FOXD3: variants seen among roughly 807,000 people sequenced by gnomAD.
The protein encoded by FOXD3 is forkhead box protein D3.
Under a neutral mutation model 3.6 loss-of-function variants are expected in FOXD3, and 3 were observed. The observed-to-expected ratio is 0.84, with a 90% CI of 0.38 to 2.18. The LOEUF (loss-of-function observed/expected upper bound fraction) is 2.18. FOXD3 is among the 30% of genes most tolerant of loss of function. The pLI, the probability that FOXD3 is intolerant of heterozygous loss-of-function variation, is 0.06. For missense variants in FOXD3, 686 were observed against 731.6 expected (o/e 0.94, Z 0.72); for synonymous variants, 391 against 360.9 (o/e 1.08, Z -0.94).
rs749252292 is a variant in FOXD3 at position 63,324,538 on chromosome 1, G to T, written c.*43G>T. ...GGACCCAGGGTCCGGCGGCGGCCTCGAGCAACAAATGCACCTCCAGGCTGC... is the reference window on the plus strand; with the variant it reads ...GGACCCAGGGTCCGGCGGCGGCCTCTAGCAACAAATGCACCTCCAGGCTGC... On this transcript the variant is annotated 3_prime_UTR_variant, in exon 1 of 1. Transcript: ENST00000371116. The surrounding 1 kb of genome is among the most constrained non-coding windows in gnomAD (Gnocchi z 4.1). 1 of 1,461,074 alleles carries T rather than the reference G, an allele frequency of 6.8e-7. No homozygotes were observed. Among genetic ancestry groups the T allele is most frequent in the African/African-American group, 1.4e-5 (1 of 70,202 alleles). The allele number at this position is 1,461,074 out of a possible 1,614,324, so 90.5% of individuals were successfully genotyped here.
Position 63,323,486 on chromosome 1 carries a change from C to G in FOXD3, c.428C>G (p.Pro143Arg). The G allele has an allele frequency of 6.2e-7, 1 of 1,613,888 alleles. No individual in the cohort carries two copies. The highest frequency in any genetic ancestry group is 1.1e-5 in the South Asian group (1 of 91,078). The change falls in exon 1 of 1, where the codon CCT becomes CGT. Residue 143 changes from proline to arginine, a missense_variant. This residue lies in a region of FOXD3 where 84 missense variants were observed against 145.2 expected (regional missense o/e 0.58). Transcript: ENST00000371116. The surrounding 1 kb of genome is among the most constrained non-coding windows in gnomAD (Gnocchi z 6.8). ...CCCAAGAACAGCCTAGTGAAGCCGCCTTACTCGTACATCGCGCTCATCACC... is the reference window on the plus strand; with the variant it reads ...CCCAAGAACAGCCTAGTGAAGCCGCGTTACTCGTACATCGCGCTCATCACC... ...SKPKNSLVKP[P>R]YSYIALITMA...
rs543752606 is a variant in FOXD3, at chr1:63,322,944, GC to G, written c.-109del. 6.6e-5 allele frequency: 92 copies of G among 1,400,824 alleles called. No homozygotes were observed. The highest frequency in any genetic ancestry group is 6.3e-4 in the Admixed American group (21 of 33,276). The allele number at this position is 1,400,824 out of a possible 1,614,324, so 86.8% of individuals were successfully genotyped here. Reference sequence around the variant, plus strand: ...ACCTGCGGCCCCCTCCCCTCTCCCTGCCCCCCATCTTTCGGGGGCACTCAAA... The same window carrying G: ...ACCTGCGGCCCCCTCCCCTCTCCCTGCCCCCATCTTTCGGGGGCACTCAAA... On this transcript the variant is annotated 5_prime_UTR_variant, in exon 1 of 1. Coordinates refer to ENST00000371116, the MANE Select transcript of FOXD3 (RefSeq NM_012183.3).
Position 63,324,059 on chromosome 1 carries a change from G to A in FOXD3, c.1001G>A (p.Gly334Asp), listed in dbSNP as rs553162085. 109 of 1,400,652 alleles carry A rather than the reference G, an allele frequency of 7.8e-5. No individual in the cohort carries two copies. In the African/African-American group the frequency reaches 1.5e-3, roughly 19 times the overall value. 86.8% of individuals were successfully genotyped at this position (1,400,652 alleles called of 1,614,324 possible). A position where few individuals can be genotyped will look rare whatever the true frequency, so the allele number is the denominator to read the frequency against. The change falls in exon 1 of 1, where the codon GGC becomes GAC. Residue 334 changes from glycine (G) to aspartate (D), a missense_variant. By Grantham distance (94) the Gly-to-Asp change is moderately conservative. Around this residue, in one of 3 missense-constraint regions of FOXD3, gnomAD observed 370 missense variants for 372.3 expected, o/e 0.99. Coordinates refer to ENST00000371116, the MANE Select transcript of FOXD3 (RefSeq NM_012183.3). This position sits in a 1 kb window ranked among gnomAD's most constrained non-coding sequence, Gnocchi z 4.1. ...CTGGGCCGCAAAGCGGCCGCCTTCG[G>A]CTCACAGCTCGGCCCGGGCCTGCAG... ...GELGRKAAAF[G>D]SQLGPGLQLQ...
At position 63,323,790 on chromosome 1, in the gene FOXD3, C is replaced by T; in HGVS notation, c.732C>T (p.His244=). 1.2e-6 allele frequency: 2 copies of T among 1,612,800 alleles called. No individual in the cohort carries two copies. Among genetic ancestry groups the T allele is most frequent in the Non-Finnish European group, 1.7e-6 (2 of 1,179,780 alleles). ...RKRFKRHQQE[H]LREQTALMMQ... ...GCTTCAAGCGCCACCAGCAGGAGCA[C>T]CTGCGCGAGCAGACGGCGCTCATGA... The change falls in exon 1 of 1, where the codon CAC becomes CAT. Residue 244 remains histidine, a synonymous_variant. Transcript: ENST00000371116. The surrounding 1 kb of genome is among the most constrained non-coding windows in gnomAD (Gnocchi z 6.8).
In FOXD3 at chr1:63,324,207, C is replaced by T. The variant is rs1180291097; in HGVS notation, c.1149C>T (p.Ile383=). The T allele has an allele frequency of 5.5e-6, 8 of 1,445,958 alleles. No individual in the cohort carries two copies. In the African/African-American group the frequency reaches 1.1e-4, roughly 19 times the overall value. 89.6% of individuals were successfully genotyped at this position (1,445,958 alleles called of 1,614,324 possible). Residue 383 remains isoleucine, a synonymous_variant, in exon 1 of 1, where the codon ATC becomes ATT. Coordinates refer to ENST00000371116, the MANE Select transcript of FOXD3 (RefSeq NM_012183.3). The surrounding 1 kb of genome is among the most constrained non-coding windows in gnomAD (Gnocchi z 4.1). ...SARPSFSIEN[I]IGGGPAAPGG... ...GGCCGTCGTTCAGCATCGAGAACAT[C>T]ATAGGTGGGGGCCCCGCGGCTCCTG...
In FOXD3 at chr1:63,322,817, G is replaced by A. The variant is rs961786604; in HGVS notation, c.-242G>A. On this transcript the variant is annotated 5_prime_UTR_variant, in exon 1 of 1. Transcript: ENST00000371116. Reference sequence around the variant, plus strand: ...GCGCCTAGTACCGAGCGCCAGGGACGGCAGGAGTTCGCGGAGCGCGGCCGC... The same window carrying A: ...GCGCCTAGTACCGAGCGCCAGGGACAGCAGGAGTTCGCGGAGCGCGGCCGC... 1.0e-6 allele frequency: 1 copy of A among 985,368 alleles called. No individual in the cohort carries two copies. The highest frequency in any genetic ancestry group is 1.2e-6 in the Non-Finnish European group (1 of 829,898). 61.0% of individuals were successfully genotyped at this position (985,368 alleles called of 1,614,324 possible).
Position 63,324,013 on chromosome 1 carries a change from C to A in FOXD3, c.955C>A (p.Pro319Thr). 2 of 1,353,740 alleles carry A rather than the reference C, an allele frequency of 1.5e-6. No individual in the cohort carries two copies. The highest frequency in any genetic ancestry group is 1.9e-6 in the Non-Finnish European group (2 of 1,057,120). The allele number at this position is 1,353,740 out of a possible 1,614,324, so 83.9% of individuals were successfully genotyped here. Reference protein sequence around the residue: ...PVAPVLPPAVPLLPSGELGRK... With the variant: ...PVAPVLPPAVTLLPSGELGRK... ...GGCACCGGTGCTGCCTCCCGCTGTG[C>A]CGCTGCTGCCCTCGGGCGAGCTGGG... Residue 319 changes from proline to threonine, a missense_variant, in exon 1 of 1, where the codon CCG (proline) becomes ACG (threonine). Transcript: ENST00000371116. The surrounding 1 kb of genome is among the most constrained non-coding windows in gnomAD (Gnocchi z 4.1).
rs1647036641 is a variant in FOXD3 at position 63,322,956 on chromosome 1, T to C, written c.-103T>C. On this transcript the variant is annotated 5_prime_UTR_variant, in exon 1 of 1. Coordinates refer to ENST00000371116, the MANE Select transcript of FOXD3 (RefSeq NM_012183.3). ...CTCCCCTCTCCCTGCCCCCCATCTT[T>C]CGGGGGCACTCAAACCCTCTTCCCC... The C allele has an allele frequency of 7.1e-7, 1 of 1,406,352 alleles. No individual in the cohort carries two copies. The highest frequency in any genetic ancestry group is 2.9e-5 in the Admixed American group (1 of 34,308). 87.1% of individuals were successfully genotyped at this position (1,406,352 alleles called of 1,614,324 possible).
In FOXD3 at chr1:63,324,171, GC is replaced by G; in HGVS notation, c.1115del (p.Pro372GlnfsTer13). The G allele has an allele frequency of 7.0e-7, 1 of 1,437,130 alleles. No homozygotes were observed. The highest frequency in any genetic ancestry group is 9.0e-7 in the Non-Finnish European group (1 of 1,108,830). 89.0% of individuals were successfully genotyped at this position (1,437,130 alleles called of 1,614,324 possible). ...GTTASLIKSE[P>X]SARPSFSIEN... ...CCACCGCGTCGCTCATCAAGTCCGA[GC>G]CAAGCGCGCGGCCGTCGTTCAGCAT... is the stretch of plus-strand genomic sequence containing the variant. On this transcript the variant is annotated frameshift_variant, in exon 1 of 1. Coordinates refer to ENST00000371116, the MANE Select transcript of FOXD3 (RefSeq NM_012183.3). LOFTEE classifies it low-confidence loss of function (END_TRUNC). The surrounding 1 kb of genome is among the most constrained non-coding windows in gnomAD (Gnocchi z 4.1).
At position 63,324,652 on chromosome 1, in the gene FOXD3, CT is replaced by C. The variant is rs1487588488; in HGVS notation, c.*158del. On this transcript the variant is annotated 3_prime_UTR_variant, in exon 1 of 1. Transcript: ENST00000371116. This position sits in a 1 kb window ranked among gnomAD's most constrained non-coding sequence, Gnocchi z 4.1. The stretch of plus-strand genomic sequence containing the variant: ...TTCCTTTCCCCTGAGCCCCCAACGC[CT>C]ACCTTCCGCGGCCTCCATCCCCTCG... 8 of 634,492 alleles carry C rather than the reference CT, an allele frequency of 1.3e-5. No individual in the cohort carries two copies. Among genetic ancestry groups the C allele is most frequent in the Admixed American group, 3.1e-5 (1 of 32,478 alleles). The allele number at this position is 634,492 out of a possible 1,614,324, so 39.3% of individuals were successfully genotyped here. A position where few individuals can be genotyped will look rare whatever the true frequency, so the allele number is the denominator to read the frequency against.
rs750660492 is a variant in FOXD3, at chr1:63,323,338, G to A, written c.280G>A (p.Gly94Ser). Residue 94 changes from glycine (G) to serine (S), a missense_variant, in exon 1 of 1, where the codon GGC becomes AGC. Coordinates refer to ENST00000371116, the MANE Select transcript of FOXD3 (RefSeq NM_012183.3). This position sits in a 1 kb window ranked among gnomAD's most constrained non-coding sequence, Gnocchi z 6.8. Reference sequence around the variant, plus strand: ...GGCCGGAGCCGGGGCCGGACCGGGGGGCGACGTGGGCGCGCCGGAGGCGGA... The same window carrying A: ...GGCCGGAGCCGGGGCCGGACCGGGGAGCGACGTGGGCGCGCCGGAGGCGGA... ...EAAGAGAGPG[G>S]DVGAPEADGC... 4 of 1,347,176 alleles carry A rather than the reference G, an allele frequency of 3.0e-6. No individual in the cohort carries two copies. Among genetic ancestry groups the A allele is most frequent in the East Asian group, 3.1e-5 (1 of 32,244 alleles). 83.5% of individuals were successfully genotyped at this position (1,347,176 alleles called of 1,614,324 possible).
Position 63,323,282 on chromosome 1 carries a change from A to C in FOXD3, c.224A>C (p.His75Pro). The C allele has an allele frequency of 6.8e-6, 10 of 1,480,906 alleles. No individual in the cohort carries two copies. The highest frequency in any genetic ancestry group is 8.9e-6 in the Non-Finnish European group (10 of 1,117,830). The allele number at this position is 1,480,906 out of a possible 1,614,324, so 91.7% of individuals were successfully genotyped here. Residue 75 changes from histidine to proline, a missense_variant, in exon 1 of 1, where the codon CAC (histidine) becomes CCC (proline). Coordinates refer to ENST00000371116, the MANE Select transcript of FOXD3 (RefSeq NM_012183.3). This position sits in a 1 kb window ranked among gnomAD's most constrained non-coding sequence, Gnocchi z 6.8. ...CATCACGGACAGCCTCAGCCGCCCC[A>C]CCAGCAGCCCCTGACATTGCCCAAG... ...APHHGQPQPPHQQPLTLPKEA... is the reference protein window; with the variant it reads ...APHHGQPQPPPQQPLTLPKEA...
In FOXD3 at chr1:63,323,052, AGGAG is replaced by A; in HGVS notation, c.-3_1del. ...CTCCCCGCCGCCGCTACCAACCCCG[AGGAG>A]GGATGACCCTCTCCGGCGGCGGCAG... is the stretch of plus-strand genomic sequence containing the variant. On this transcript the variant is annotated 5_prime_UTR_variant, in exon 1 of 1. Coordinates refer to ENST00000371116, the MANE Select transcript of FOXD3 (RefSeq NM_012183.3). The surrounding 1 kb of genome is among the most constrained non-coding windows in gnomAD (Gnocchi z 6.8). 1 of 1,530,506 alleles carries A rather than the reference AGGAG, an allele frequency of 6.5e-7. No homozygotes were observed. Among genetic ancestry groups the A allele is most frequent in the Non-Finnish European group, 8.8e-7 (1 of 1,142,346 alleles). 94.8% of individuals were successfully genotyped at this position (1,530,506 alleles called of 1,614,324 possible).
chr1:63,323,368 T>G lies in FOXD3; in HGVS notation c.310T>G (p.Cys104Gly). ...GDVGAPEADG[C>G]KGGVGGEEGG... ...CGTGGGCGCGCCGGAGGCGGACGGC[T>G]GCAAGGGCGGTGTTGGCGGCGAGGA... Residue 104 changes from cysteine (C) to glycine (G), a missense_variant, in exon 1 of 1, where the codon TGC becomes GGC. Around this residue, in one of 3 missense-constraint regions of FOXD3, gnomAD observed 232 missense variants for 214.0 expected, o/e 1.08. Transcript: ENST00000371116. This position sits in a 1 kb window ranked among gnomAD's most constrained non-coding sequence, Gnocchi z 6.8. 1 of 1,369,658 alleles carries G rather than the reference T, an allele frequency of 7.3e-7. No homozygotes were observed. The highest frequency in any genetic ancestry group is 9.4e-7 in the Non-Finnish European group (1 of 1,064,840). The allele number at this position is 1,369,658 out of a possible 1,614,324, so 84.8% of individuals were successfully genotyped here.
Position 63,324,733 on chromosome 1 carries a change from C to T in FOXD3, c.*238C>T. The T allele has an allele frequency of 1.8e-6, 1 of 560,538 alleles. No homozygotes were observed. The highest frequency in any genetic ancestry group is 2.5e-5 in the South Asian group (1 of 40,602). The allele number at this position is 560,538 out of a possible 1,614,324, so 34.7% of individuals were successfully genotyped here. On this transcript the variant is annotated 3_prime_UTR_variant, in exon 1 of 1. Coordinates refer to ENST00000371116, the MANE Select transcript of FOXD3 (RefSeq NM_012183.3). This position sits in a 1 kb window ranked among gnomAD's most constrained non-coding sequence, Gnocchi z 4.1. Reference sequence around the variant, plus strand: ...CCGCGCGCCCGCCGGGGATAGCTTTCCATACAGGTAAAACCGAAAACCGAA... The same window carrying T: ...CCGCGCGCCCGCCGGGGATAGCTTTTCATACAGGTAAAACCGAAAACCGAA...
rs369566771 is a variant in FOXD3, at chr1:63,323,813, T to G, written c.755T>G (p.Met252Arg). The change falls in exon 1 of 1, where the codon ATG becomes AGG. Residue 252 changes from methionine (M) to arginine (R), a missense_variant. By Grantham distance (91) the Met-to-Arg change is moderately conservative (BLOSUM62 -1). This residue lies in a region of FOXD3 where 370 missense variants were observed against 372.3 expected (regional missense o/e 0.99). Coordinates refer to ENST00000371116, the MANE Select transcript of FOXD3 (RefSeq NM_012183.3). This position sits in a 1 kb window ranked among gnomAD's most constrained non-coding sequence, Gnocchi z 6.8. ...CACCTGCGCGAGCAGACGGCGCTCA[T>G]GATGCAGAGCTTCGGCGCTTACAGC... ...QEHLREQTALMMQSFGAYSLA... is the reference protein window; with the variant it reads ...QEHLREQTALRMQSFGAYSLA... 189 of 1,609,916 alleles carry G rather than the reference T, an allele frequency of 1.2e-4. No homozygotes were observed. The highest frequency in any genetic ancestry group is 1.6e-4 in the Non-Finnish European group (187 of 1,178,664).
At position 63,324,460 on chromosome 1, in the gene FOXD3, G is replaced by A; in HGVS notation, c.1402G>A (p.Ala468Thr). The change falls in exon 1 of 1, where the codon GCG (alanine) becomes ACG (threonine). Residue 468 changes from alanine to threonine, a missense_variant. By Grantham distance (58) the Ala-to-Thr change is moderately conservative. Transcript: ENST00000371116. The surrounding 1 kb of genome is among the most constrained non-coding windows in gnomAD (Gnocchi z 4.1). ...QPAASAAAAA[A>T]AAAQAKWPAQ ...CGCAGCCTCGGCCGCCGCCGCTGCT[G>A]CGGCCGCCGCTCAAGCCAAATGGCC... The A allele has an allele frequency of 6.5e-7, 1 of 1,537,138 alleles. No homozygotes were observed.
In FOXD3 at chr1:63,324,372, C is replaced by T. The variant is rs1262916951; in HGVS notation, c.1314C>T (p.Ser438=). ...CCACCCACCAACCGCTGTCGCTGAG[C>T]CGGACGACTGCCACCATCGCGCCCA... is the stretch of plus-strand genomic sequence containing the variant. The part of the protein sequence containing the change: ...LMATHQPLSL[S]RTTATIAPIL... Residue 438 remains serine (S), a synonymous_variant, in exon 1 of 1, where the codon AGC becomes AGT. Coordinates refer to ENST00000371116, the MANE Select transcript of FOXD3 (RefSeq NM_012183.3). This position sits in a 1 kb window ranked among gnomAD's most constrained non-coding sequence, Gnocchi z 4.1. 2 of 1,588,878 alleles carry T rather than the reference C, an allele frequency of 1.3e-6. No individual in the cohort carries two copies. The highest frequency in any genetic ancestry group is 2.2e-5 in the South Asian group (2 of 89,306).
rs1253727082 is a variant in FOXD3 at position 63,323,009 on chromosome 1, C to A, written c.-50C>A. 21 of 1,508,394 alleles carry A rather than the reference C, an allele frequency of 1.4e-5. No individual in the cohort carries two copies. Among genetic ancestry groups the A allele is most frequent in the Non-Finnish European group, 1.9e-5 (21 of 1,133,434 alleles). 93.4% of individuals were successfully genotyped at this position (1,508,394 alleles called of 1,614,324 possible). Reference sequence around the variant, plus strand: ...AGCTCCGTGGCAGCCCCCGAACACCCTCATCGCCCGCTGCCCCCTCCCCGC... The same window carrying A: ...AGCTCCGTGGCAGCCCCCGAACACCATCATCGCCCGCTGCCCCCTCCCCGC... On this transcript the variant is annotated 5_prime_UTR_variant, in exon 1 of 1. Coordinates refer to ENST00000371116, the MANE Select transcript of FOXD3 (RefSeq NM_012183.3). The surrounding 1 kb of genome is among the most constrained non-coding windows in gnomAD (Gnocchi z 6.8).
Sources: allele counts gnomAD v4.1 joint callset, GRCh38; gene constraint gnomAD v4.1.1; regional missense constraint gnomAD v4.1.1; non-coding constraint Gnocchi (gnomAD v3.1); transcripts MANE v1.5; gene names NCBI Gene and HGNC (gene_info 2026-07-23, HGNC 2026-07-21).